Variants in TTN observed in about 807,000 individuals in gnomAD.
The protein encoded by TTN is connectin.
In TTN, 1,525 loss-of-function variants were observed where a neutral mutation model predicts 3,223.0. That is an observed-to-expected ratio of 0.47 (90% CI 0.45 to 0.49). The LOEUF (loss-of-function observed/expected upper bound fraction) is 0.49. Ranked by LOEUF, TTN falls within the 20% of genes least tolerant of loss-of-function variation. The pLI is 0.00. For missense variants in TTN, 40,786 were observed against 43,424.0 expected (o/e 0.94, Z 5.40); for synonymous variants, 14,094 against 15,161.0 (o/e 0.93, Z 5.17).
intron 250 of TTN, 197 bp from the exon 251 acceptor site, chr2:178,619,050 G>A (rs763954119): frequency 2.9e-6 from 2 of 699,882 alleles, no homozygotes; most frequent in Non-Finnish European, 4.6e-6. Context: ...TTAGATTGGA[G>A]AGTAGAGGAT....
chr2:178,589,533 T>C lies in TTN; in HGVS notation c.62192A>G (p.Asp20731Gly). The change falls in exon 304 of 363, where the codon GAC (aspartate) becomes GGC (glycine). Residue 20731 changes from aspartate (D) to glycine (G), a missense_variant. Transcript: ENST00000589042. Reference protein sequence around the residue: ...GSIKETHYMVDRCVENQIYEF... With the variant: ...GSIKETHYMVGRCVENQIYEF... ...ATAAATCTGGTTTTCAACACATCTG[T>C]CAACCATGTAGTGAGTTTCTTTAAT... The C allele has an allele frequency of 1.2e-6, 2 of 1,613,314 alleles. No homozygotes were observed. Among genetic ancestry groups the C allele is most frequent in the Non-Finnish European group, 1.7e-6 (2 of 1,179,588 alleles).
At chr2:178,652,391 C>G (rs1483536795) in intron 202 of TTN, 44 bp from the exon 203 acceptor site, 1 of 1,613,040 alleles carries the variant, frequency 6.2e-7, no homozygotes, top group Non-Finnish European at 8.5e-7. Context: ...TTATGAAGAC[C>G]ACTAGAAAAA....
intron 8 of TTN, 116 bp downstream of exon 8, chr2:178,794,283 G>C: frequency 6.7e-7 from 1 of 1,484,816 alleles, no homozygotes. Context: ...TGGGCTCAAG[G>C]CTGTCTTCAG....
At position 178,611,262 on chromosome 2, in the gene TTN, G is replaced by T. The variant is rs1040561744; in HGVS notation, c.50867C>A (p.Thr16956Lys). 5 of 1,612,042 alleles carry T rather than the reference G, an allele frequency of 3.1e-6. No homozygotes were observed. The highest frequency in any genetic ancestry group is 3.3e-4 in the Middle Eastern group (2 of 6,068). The change falls in exon 270 of 363, where the codon ACA (threonine) becomes AAA (lysine). Residue 16956 changes from threonine to lysine, a missense_variant. Coordinates refer to ENST00000589042, the MANE Select transcript of TTN (RefSeq NM_001267550.2). Reference sequence around the variant, plus strand: ...AATGTCATGAGTCTCCAGGTCAATTGTTGGCTTGCCTGTAAGATATCATTC... The same window carrying T: ...AATGTCATGAGTCTCCAGGTCAATTTTTGGCTTGCCTGTAAGATATCATTC... ...VVAKDPDCKP[T>K]IDLETHDIIV...
chr2:178,770,361 TA>T, intron 35 of TTN, 41 bp from the exon 36 acceptor site: 1 of 1,614,142 alleles, frequency 6.2e-7, no homozygotes, highest in African/African-American at 1.3e-5. Flanking sequence ...AGGGTTAACT[TA>T]ATGGTAACCA....
chr2:178,549,202 G>A lies in TTN; in HGVS notation c.92424C>T (p.Gly30808=), dbSNP rs1416086225. ...CTCTACATTTAATGAGTCTTGAGATGCCACTTGCAGGTCCAACTCCTGCAG... is the reference window on the plus strand; with the variant it reads ...CTCTACATTTAATGAGTCTTGAGATACCACTTGCAGGTCCAACTCCTGCAG... The part of the protein sequence containing the change: ...ENAAGVGPAS[G]ISRLIKCREP... Residue 30808 remains glycine, a synonymous_variant, in exon 339 of 363, where the codon GGC becomes GGT. Coordinates refer to ENST00000589042, the MANE Select transcript of TTN (RefSeq NM_001267550.2). 6.2e-7 allele frequency: 1 copy of A among 1,613,804 alleles called. No homozygotes were observed. The highest frequency in any genetic ancestry group is 1.3e-5 in the African/African-American group (1 of 75,036).
At position 178,734,756 on chromosome 2, in the gene TTN, T is replaced by G. The variant is rs1454860179; in HGVS notation, c.15168A>C (p.Ala5056=). The G allele has an allele frequency of 3.1e-6, 5 of 1,613,610 alleles. No homozygotes were observed. The highest frequency in any genetic ancestry group is 4.2e-6 in the Non-Finnish European group (5 of 1,179,598). The change falls in exon 51 of 363, where the codon GCA becomes GCC. Residue 5056 remains alanine (A), a synonymous_variant. Transcript: ENST00000589042. The part of the protein sequence containing the change: ...VEDSGSYSCE[A]VNDVGSDSCS... ...AGCTATCACTGCCGACGTCATTCAC[T>G]GCTTCACATGAGTAACTCCCACTGT...
intron 321 of TTN, 85 bp from the exon 322 acceptor site, chr2:178,578,270 C>T: frequency 8.5e-7 from 1 of 1,179,124 alleles, no homozygotes; most frequent in Non-Finnish European, 1.2e-6. Context: ...TTATACATAT[C>T]CATATATATT....
rs766743444 is a variant in TTN, at chr2:178,543,527, A to G, written c.96446T>C (p.Met32149Thr). 1.9e-6 allele frequency: 3 copies of G among 1,613,026 alleles called. No individual in the cohort carries two copies. The highest frequency in any genetic ancestry group is 4.5e-5 in the East Asian group (2 of 44,826). The change falls in exon 347 of 363, where the codon ATG becomes ACG. Residue 32149 changes from methionine (M) to threonine (T), a missense_variant. By Grantham distance (81) the Met-to-Thr change is moderately conservative. Transcript: ENST00000589042. ...GGTAGTTACTGTTTTGAATGCTCTC[A>G]TAGCAGCTTCACGCTTCTCAACGAT... ...NYIVEKREAAMRAFKTVTTKC... is the reference protein window; with the variant it reads ...NYIVEKREAATRAFKTVTTKC...
At chr2:178,693,853 C>A in intron 118 of TTN, 69 bp downstream of exon 118, 1 of 1,409,482 alleles carries the variant, frequency 7.1e-7, no homozygotes. Flanking sequence ...ACAAATTAGA[C>A]AACAAGAGGG....
intron 129 of TTN, 63 bp downstream of exon 129, chr2:178,685,190 T>C: frequency 7.3e-7 from 1 of 1,376,332 alleles, no homozygotes; most frequent in East Asian, 2.5e-5. Flanking sequence ...GTTATGCAAA[T>C]GTGAAGGTAT....
Position 178,587,309 on chromosome 2 carries a change from T to A in TTN, c.63902A>T (p.Tyr21301Phe), listed in dbSNP as rs1211406312. 6.2e-7 allele frequency: 1 copy of A among 1,613,042 alleles called. No homozygotes were observed. The highest frequency in any genetic ancestry group is 1.7e-5 in the Admixed American group (1 of 59,950). The change falls in exon 307 of 363, where the codon TAT (tyrosine) becomes TTT (phenylalanine). Residue 21301 changes from tyrosine (Y) to phenylalanine (F), a missense_variant. Coordinates refer to ENST00000589042, the MANE Select transcript of TTN (RefSeq NM_001267550.2). ...ENDGGSQVTH[Y>F]IVEKREADRK... Reference sequence around the variant, plus strand: ...GTCTGCCTCACGTTTCTCCACGATATAATGTGTCACTTGGCTCCCACCGTC... The same window carrying A: ...GTCTGCCTCACGTTTCTCCACGATAAAATGTGTCACTTGGCTCCCACCGTC...
chr2:178,740,786 G>T lies in TTN; in HGVS notation c.12447C>A (p.Asn4149Lys), dbSNP rs1306189753. The change falls in exon 48 of 363, where the codon AAC becomes AAA. Residue 4149 changes from asparagine to lysine, a missense_variant. By Grantham distance (94) the Asn-to-Lys change is moderately conservative. Transcript: ENST00000589042. The stretch of plus-strand genomic sequence containing the variant: ...GGGACTGTACAATCTGCAGCTGTAG[G>T]TTGGGAGATGGTTCCTTGAGAGGCT... ...HFQPLKEPSP[N>K]LQLQIVQSQK... The T allele has an allele frequency of 6.2e-7, 1 of 1,613,446 alleles. No homozygotes were observed. The highest frequency in any genetic ancestry group is 1.3e-5 in the African/African-American group (1 of 74,884).
At position 178,704,146 on chromosome 2, in the gene TTN, C is replaced by T. The variant is rs556408709; in HGVS notation, c.30223+1G>A. On this transcript the variant is annotated splice_donor_variant, in intron 106 of 362. Coordinates refer to ENST00000589042, the MANE Select transcript of TTN (RefSeq NM_001267550.2). LOFTEE classifies it high-confidence loss of function. ...CAAGGACTCCATAGTGTTTCACGCACCTTCGATTCTGAGTTCTGCTGAAGT... is the reference window on the plus strand; with the variant it reads ...CAAGGACTCCATAGTGTTTCACGCATCTTCGATTCTGAGTTCTGCTGAAGT... 4 of 1,613,500 alleles carry T rather than the reference C, an allele frequency of 2.5e-6. No homozygotes were observed. In the Admixed American group the frequency reaches 5.0e-5, roughly 20 times the overall value.
In TTN at chr2:178,794,417, G is replaced by T. The variant is rs1035609321; in HGVS notation, c.1380C>A (p.Ile460=). The T allele has an allele frequency of 6.2e-7, 1 of 1,614,060 alleles. No homozygotes were observed. Among genetic ancestry groups the T allele is most frequent in the Non-Finnish European group, 8.5e-7 (1 of 1,180,016 alleles). ...AQRTTTTAVH[I]QPAQEQVRKE... is the part of the protein sequence containing the mutation. The stretch of plus-strand genomic sequence containing the variant: ...CACGTACCTGTTCTTGAGCAGGTTG[G>T]ATGTGCACAGCAGTCGTGGTTGTCC... Residue 460 remains isoleucine, a synonymous_variant, in exon 8 of 363, where the codon ATC becomes ATA. Coordinates refer to ENST00000589042, the MANE Select transcript of TTN (RefSeq NM_001267550.2).
chr2:178,653,341 G>C lies in TTN; in HGVS notation c.38708-20C>G, dbSNP rs1044157881. 27 of 1,611,076 alleles carry C rather than the reference G, an allele frequency of 1.7e-5. No individual in the cohort carries two copies. The highest frequency in any genetic ancestry group is 2.2e-5 in the Non-Finnish European group (26 of 1,179,462). ...CTGGCACTTAAAAGATATTAGTAAA[G>C]TTACATGTAGAGCTATGGAGACTAC... On this transcript the variant is annotated intron_variant, in intron 197 of 362. Transcript: ENST00000589042.
intron 66 of TTN, 44 bp from the exon 67 acceptor site, chr2:178,728,441 A>G: frequency 6.3e-7 from 1 of 1,580,242 alleles, no homozygotes; most frequent in Non-Finnish European, 8.6e-7. Flanking sequence ...ATCTCTTGCT[A>G]TTTGTTTACA....
In TTN at chr2:178,561,531, A is replaced by G; in HGVS notation, c.84601T>C (p.Trp28201Arg). ...ATGAGGATTTTATTTGCTTTTGACC[A>G]AAGAATGCTGCTTCTTTCTTTATAC... ...LEYKERSSIL[W>R]SKANKILIAD... The change falls in exon 326 of 363, where the codon TGG becomes CGG. Residue 28201 changes from tryptophan (W) to arginine (R), a missense_variant. Trp to Arg is a moderately radical substitution (Grantham distance 101, BLOSUM62 -3). Transcript: ENST00000589042. 1 of 1,613,360 alleles carries G rather than the reference A, an allele frequency of 6.2e-7. No individual in the cohort carries two copies. Among genetic ancestry groups the G allele is most frequent in the African/African-American group, 1.3e-5 (1 of 75,010 alleles).
Position 178,800,445 on chromosome 2 carries a change from G to A in TTN, c.533C>T (p.Ala178Val), listed in dbSNP as rs1304644881. The change falls in exon 4 of 363, where the codon GCC (alanine) becomes GTC (valine). Residue 178 changes from alanine to valine, a missense_variant. By Grantham distance (64) the Ala-to-Val change is moderately conservative. Transcript: ENST00000589042. ...PEDSGTYSVN[A>V]TNSVGRATST... is the part of the protein sequence containing the mutation. ...AGTAGCTCTTCCAACGCTATTGGTG[G>A]CATTTACTGAATAGGTCCCTGAGTC... is the stretch of plus-strand genomic sequence containing the variant. 8.1e-6 allele frequency: 13 copies of A among 1,614,032 alleles called. No homozygotes were observed. The highest frequency in any genetic ancestry group is 1.6e-4 in the Middle Eastern group (1 of 6,084).
Sources: allele counts gnomAD v4.1 joint callset, GRCh38; gene constraint gnomAD v4.1.1; transcripts MANE v1.5; gene names NCBI Gene and HGNC (gene_info 2026-07-23, HGNC 2026-07-21).